The following KAZN variants were observed in gnomAD, a reference collection of about 807,000 sequenced individuals.
KAZN encodes kazrin.
A neutral mutation model predicts 87.4 loss-of-function variants in KAZN; 40 were observed. That is an observed-to-expected ratio of 0.46 (90% CI 0.36 to 0.60). The LOEUF is 0.60. KAZN is among the 20% of genes least tolerant of loss of function. The pLI is 0.00. For synonymous variants in KAZN, 466 were observed against 458.3 expected (o/e 1.02, Z -0.22); for missense variants, 898 against 1,073.9 (o/e 0.84, Z 2.29).
chr1:15,046,385 C>T (rs574108200), intron 4 of KAZN, among the ~76,000 whole-genome samples: 329 of 151,706 alleles, frequency 2.2e-3, no homozygotes, highest in African/African-American at 6.9e-3. Context: ...TCTTCATCCT[C>T]GTTGTCTTCA....
At chr1:15,005,972 G>C (rs12737367) in intron 2 of KAZN, among the ~76,000 whole-genome samples, 83,592 of 151,830 alleles carry the variant, frequency 0.55, 25,967 homozygotes, top group African/African-American at 0.86. Context: ...GGGCAGATGT[G>C]CAGGCAGCTC....
chr1:14,596,336 ACG>A (rs1349567611), upstream of KAZN, among the ~76,000 whole-genome samples: 1 of 144,422 alleles, frequency 6.9e-6, no homozygotes, highest in African/African-American at 2.6e-5. Context: ...ACACACACAC[ACG>A]GCCCTCTAAA....
chr1:14,793,572 G>A (rs1645744714), intron 1 of KAZN, among the ~76,000 whole-genome samples: 1 of 152,210 alleles, frequency 6.6e-6, no homozygotes, highest in Admixed American at 6.5e-5. Context: ...TGGTTATAGG[G>A]TTATTGTGAG....
intron 1 of KAZN, among the ~76,000 whole-genome samples, chr1:14,733,696 A>T (rs1643786224): frequency 2.6e-5 from 4 of 152,068 alleles, no homozygotes; most frequent in Middle Eastern, 3.4e-3. Flanking sequence ...AGCTTCCTGG[A>T]TGTGTCTGAG....
intron 2 of KAZN, among the ~76,000 whole-genome samples, chr1:14,355,561 C>G (rs1323341307): frequency 6.6e-6 from 1 of 152,092 alleles, no homozygotes; most frequent in Non-Finnish European, 1.5e-5. Context: ...GGTATTTCTC[C>G]TAATGCTGTC....
intron 1 of KAZN, among the ~76,000 whole-genome samples, chr1:14,005,265 AC>A (rs1485425351): frequency 1.3e-5 from 2 of 152,200 alleles, no homozygotes; most frequent in Non-Finnish European, 2.9e-5. Context: ...CTGGTGCAAG[AC>A]CAAGCTGATG....
intron 2 of KAZN, among the ~76,000 whole-genome samples, chr1:14,320,647 A>G (rs1655983228): frequency 1.3e-5 from 2 of 152,186 alleles, no homozygotes; most frequent in African/African-American, 2.4e-5. Context: ...AAAAGCAGCC[A>G]TGACTCAATA....
intron 1 of KAZN, among the ~76,000 whole-genome samples, chr1:14,068,521 C>T (rs902233696): frequency 2.0e-5 from 3 of 152,062 alleles, no homozygotes; most frequent in East Asian, 1.9e-4. Flanking sequence ...AAAATCTCAT[C>T]GGGGGATTCT....
intron 2 of KAZN, among the ~76,000 whole-genome samples, chr1:14,589,442 C>G (rs939139820): frequency 6.6e-6 from 1 of 152,154 alleles, no homozygotes; most frequent in Non-Finnish European, 1.5e-5. Flanking sequence ...AACAAAATAT[C>G]TCCCTTCCAA....
intron 1 of KAZN, among the ~76,000 whole-genome samples, chr1:13,977,058 C>A (rs1158205071): frequency 1.3e-5 from 2 of 152,180 alleles, no homozygotes; most frequent in African/African-American, 4.8e-5. Context: ...AGCAATTTCC[C>A]TCTGTTGAAT....
At chr1:14,932,851 T>A (rs527260130) in intron 1 of KAZN, among the ~76,000 whole-genome samples, 2 of 152,158 alleles carry the variant, frequency 1.3e-5, no homozygotes, top group Non-Finnish European at 2.9e-5. Flanking sequence ...ATTTTAACCA[T>A]TGTTCGATAT....
intron 2 of KAZN, among the ~76,000 whole-genome samples, chr1:14,418,620 A>AGG (rs1665042880): frequency 6.6e-6 from 1 of 152,226 alleles, no homozygotes; most frequent in Non-Finnish European, 1.5e-5. Flanking sequence ...TGTTTTATAG[A>AGG]CAATCTGATT....
At position 15,016,243 on chromosome 1, in the gene KAZN, C is replaced by T. The variant is rs959170793; in HGVS notation, c.419-18506C>T. 1.4e-4 allele frequency among the ~76,000 whole-genome samples: 21 copies of T among 152,168 alleles called. 1 individual carries two copies. Among genetic ancestry groups the T allele is most frequent in the African/African-American group, 5.1e-4 (21 of 41,416 alleles). On this transcript the variant is annotated intron_variant, in intron 2 of 14. Coordinates refer to ENST00000376030, the MANE Select transcript of KAZN (RefSeq NM_201628.3). ...GACTTTGAAGGGGATGTGGCTCTGC[C>T]ACACCTTGATTTCGAGCTTCTGGCC... is the stretch of plus-strand genomic sequence containing the variant.
intron 13 of KAZN, among the ~76,000 whole-genome samples, chr1:15,107,010 A>G (rs1641317457): frequency 1.3e-5 from 2 of 152,228 alleles, no homozygotes. Flanking sequence ...ATGGCCTGTC[A>G]CTAAAACAGA....
chr1:14,419,962 T>G (rs953351093), intron 2 of KAZN, among the ~76,000 whole-genome samples: 1 of 152,130 alleles, frequency 6.6e-6, no homozygotes, highest in Non-Finnish European at 1.5e-5. Context: ...AAGGGAACAT[T>G]AGGGGATTGC....
At chr1:14,691,019 T>C (rs1641258306) in intron 1 of KAZN, among the ~76,000 whole-genome samples, 1 of 152,234 alleles carries the variant, frequency 6.6e-6, no homozygotes, top group Admixed American at 6.5e-5. Context: ...CTCAGGTGTA[T>C]AGAGATAATT....
intron 2 of KAZN, among the ~76,000 whole-genome samples, chr1:15,011,839 G>A (rs1013485155): frequency 2.6e-5 from 4 of 152,116 alleles, no homozygotes; most frequent in Non-Finnish European, 5.9e-5. Flanking sequence ...GCACCACTTA[G>A]CATCTTTAGG....
Position 15,056,269 on chromosome 1 carries a change from C to A in KAZN, c.905C>A (p.Ala302Glu), listed in dbSNP as rs765451521. Residue 302 changes from alanine (A) to glutamate (E), a missense_variant, in exon 5 of 15, where the codon GCG becomes GAG. By Grantham distance (107) the Ala-to-Glu change is moderately radical. Coordinates refer to ENST00000376030, the MANE Select transcript of KAZN (RefSeq NM_201628.3). This position sits in a 1 kb window ranked among gnomAD's most constrained non-coding sequence, Gnocchi z 5.4. The part of the protein sequence containing the change: ...TLYHSHPPHP[A>E]DRQAVRVSPC... Reference sequence around the variant, plus strand: ...TACCACTCACACCCCCCTCACCCTGCGGACCGGCAAGGTGAGTCCTGCCCT... The same window carrying A: ...TACCACTCACACCCCCCTCACCCTGAGGACCGGCAAGGTGAGTCCTGCCCT... The A allele has an allele frequency of 1.8e-5, 29 of 1,605,734 alleles. 1 individual carries two copies. The highest frequency in any genetic ancestry group is 1.0e-4 in the Admixed American group (6 of 59,810).
chr1:14,641,533 C>T (rs1680408733), intron 1 of KAZN, among the ~76,000 whole-genome samples: 1 of 152,132 alleles, frequency 6.6e-6, no homozygotes, highest in Non-Finnish European at 1.5e-5. Flanking sequence ...TGCGGTGTGG[C>T]CTGCATCTCT....
Sources: allele counts gnomAD v4.1 joint callset (sites outside exome capture counted in the v4.1 genomes callset), GRCh38; gene constraint gnomAD v4.1.1; non-coding constraint Gnocchi (gnomAD v3.1); transcripts MANE v1.5; gene names NCBI Gene and HGNC (gene_info 2026-07-23, HGNC 2026-07-21).